Variants in CSMD1 observed in about 807,000 individuals in gnomAD.
CSMD1 encodes the protein CUB and sushi domain-containing protein 1.
Under a neutral mutation model 417.5 loss-of-function variants are expected in CSMD1, and 213 were observed. The observed-to-expected ratio is 0.51, with a 90% CI of 0.46 to 0.57. CSMD1 has a LOEUF of 0.57. Ranked by LOEUF, CSMD1 falls within the 20% of genes least tolerant of loss-of-function variation. CSMD1 has a pLI of 0.00. For synonymous variants in CSMD1, 2,862 were observed against 1,736.8 expected (o/e 1.65, Z -16.11); for missense variants, 6,923 against 4,529.7 (o/e 1.53, Z -15.17).
At chr8:3,815,359 G>C (rs1245740117) in intron 5 of CSMD1, among the ~76,000 whole-genome samples, 1 of 152,146 alleles carries the variant, frequency 6.6e-6, no homozygotes, top group Non-Finnish European at 1.5e-5. Flanking sequence ...TCAGGAGTTA[G>C]AGAACTGTGT....
At chr8:3,962,384 G>A (rs917287996) in intron 5 of CSMD1, among the ~76,000 whole-genome samples, 19 of 152,278 alleles carry the variant, frequency 1.2e-4, no homozygotes, top group East Asian at 3.9e-4. Flanking sequence ...CAGCACGGGC[G>A]TTGTCACCAC....
rs543122518 is a variant in CSMD1, at chr8:3,100,923, A to G, written c.6950-3886T>C. ...CCCCAGAGCCCTTGTGATGCCTGCT[A>G]TTATCCAGCACATATAGAAGGAAGC... is the stretch of plus-strand genomic sequence containing the variant. On this transcript the variant is annotated intron_variant, in intron 46 of 69. Transcript: ENST00000635120. 2.0e-5 allele frequency among the ~76,000 whole-genome samples: 3 copies of G among 152,248 alleles called. No individual in the cohort carries two copies. In the East Asian group the frequency reaches 5.8e-4, roughly 29 times the overall value.
chr8:4,350,583 C>A (rs529489891), intron 3 of CSMD1, among the ~76,000 whole-genome samples: 1 of 152,114 alleles, frequency 6.6e-6, no homozygotes, highest in Admixed American at 6.5e-5. Flanking sequence ...AACACTTCCA[C>A]GCTTACAATG....
chr8:3,052,612 C>A lies in CSMD1; in HGVS notation c.7510G>T (p.Gly2504Cys), dbSNP rs1220667084. ...SCGIPESPGN[G>C]SFTGNEFTLD... Reference sequence around the variant, plus strand: ...GTGAACTCGTTCCCGGTAAATGAACCGTTTCCTGGGGATTCTGGGATTCCA... The same window carrying A: ...GTGAACTCGTTCCCGGTAAATGAACAGTTTCCTGGGGATTCTGGGATTCCA... Residue 2504 changes from glycine (G) to cysteine (C), a missense_variant, in exon 50 of 70, where the codon GGT (glycine) becomes TGT (cysteine). Gly to Cys is a radical substitution (Grantham distance 159, BLOSUM62 -3). Transcript: ENST00000635120. 4 of 1,611,250 alleles carry A rather than the reference C, an allele frequency of 2.5e-6. No homozygotes were observed. The highest frequency in any genetic ancestry group is 1.1e-5 in the South Asian group (1 of 90,272).
intron 5 of CSMD1, among the ~76,000 whole-genome samples, chr8:3,801,265 C>G (rs1405954361): frequency 6.6e-6 from 1 of 151,652 alleles, no homozygotes; most frequent in Non-Finnish European, 1.5e-5. Context: ...TCAACAACAA[C>G]CACAAAAACC....
At chr8:4,003,252 G>C (rs999956407) in intron 4 of CSMD1, among the ~76,000 whole-genome samples, 1 of 152,030 alleles carries the variant, frequency 6.6e-6, no homozygotes, top group African/African-American at 2.4e-5. Flanking sequence ...AAGTAGCTGG[G>C]TGTGGTGACG....
chr8:3,578,713 G>C (rs910202833), intron 9 of CSMD1, among the ~76,000 whole-genome samples: 2 of 152,158 alleles, frequency 1.3e-5, no homozygotes, highest in Non-Finnish European at 2.9e-5. Flanking sequence ...TCACACAGGA[G>C]ACAGCCGAGG....
intron 5 of CSMD1, among the ~76,000 whole-genome samples, chr8:3,754,505 A>G (rs1374035237): frequency 2.0e-5 from 3 of 151,930 alleles, no homozygotes; most frequent in African/African-American, 7.3e-5. Context: ...TCCAGGCTGG[A>G]GGGCAGTGGT....
chr8:4,869,889 T>C (rs1398889225), intron 1 of CSMD1, among the ~76,000 whole-genome samples: 1 of 152,086 alleles, frequency 6.6e-6, no homozygotes, highest in Non-Finnish European at 1.5e-5. Context: ...AAGAAGTTAA[T>C]GTTAGATTTA....
At chr8:3,614,029 C>A (rs532903486) in intron 8 of CSMD1, among the ~76,000 whole-genome samples, 1 of 151,832 alleles carries the variant, frequency 6.6e-6, no homozygotes, top group Admixed American at 6.6e-5. Context: ...GGAAATCTAT[C>A]AAAAAAGCTA....
At chr8:4,823,247 G>T (rs1022571747) in intron 1 of CSMD1, among the ~76,000 whole-genome samples, 6 of 151,732 alleles carry the variant, frequency 4.0e-5, no homozygotes, top group Admixed American at 2.0e-4. Context: ...TAATTCTTAT[G>T]CTTGTGTTTT....
At chr8:3,458,229 G>T (rs1186895017) in intron 12 of CSMD1, among the ~76,000 whole-genome samples, 1 of 152,124 alleles carries the variant, frequency 6.6e-6, no homozygotes, top group Non-Finnish European at 1.5e-5. Context: ...ACTAACACTG[G>T]AATTTAAATG....
intron 5 of CSMD1, among the ~76,000 whole-genome samples, chr8:3,967,645 T>C (rs144980811): frequency 3.3e-5 from 5 of 152,218 alleles, no homozygotes; most frequent in Non-Finnish European, 5.9e-5. Flanking sequence ...TTCCCCTCCA[T>C]TCCCTGCCTA....
intron 5 of CSMD1, among the ~76,000 whole-genome samples, chr8:3,817,408 G>A (rs1466046802): frequency 6.6e-6 from 1 of 151,214 alleles, no homozygotes. Context: ...AACCTCCCAA[G>A]TAGCTGGGAC....
chr8:4,179,390 G>A lies in CSMD1; in HGVS notation c.416-147291C>T, dbSNP rs552962960. Among the ~76,000 whole-genome samples, 55 of 152,210 alleles carry A rather than the reference G, an allele frequency of 3.6e-4. No homozygotes were observed. The South Asian group carries it at 6.6e-3, about 18-fold the overall frequency. The stretch of plus-strand genomic sequence containing the variant: ...GGCTAGCCATATGTAGAAAGCTGAA[G>A]CTGGATCCCTTCCTTACACCCTATA... On this transcript the variant is annotated intron_variant, in intron 3 of 69. Coordinates refer to ENST00000635120, the MANE Select transcript of CSMD1 (RefSeq NM_033225.6).
At chr8:4,182,580 A>G (rs767559896) in intron 3 of CSMD1, among the ~76,000 whole-genome samples, 44 of 152,180 alleles carry the variant, frequency 2.9e-4, no homozygotes, top group Non-Finnish European at 2.6e-4. Context: ...ACAGAAAAGA[A>G]TTTAGCATTC....
intron 1 of CSMD1, among the ~76,000 whole-genome samples, chr8:4,815,105 G>C (rs938546226): frequency 1.3e-5 from 2 of 152,136 alleles, no homozygotes; most frequent in Non-Finnish European, 2.9e-5. Flanking sequence ...TGAAATGACA[G>C]TTCTGACTCA....
At chr8:3,628,960 AAAGAT>A (rs751949305) in intron 7 of CSMD1, among the ~76,000 whole-genome samples, 3 of 152,182 alleles carry the variant, frequency 2.0e-5, no homozygotes, top group Non-Finnish European at 4.4e-5. Context: ...AAGAAGAATA[AAAGAT>A]AAAGAAGGGA....
chr8:3,316,528 C>T (rs1175105079), intron 23 of CSMD1, among the ~76,000 whole-genome samples: 1 of 101,162 alleles, frequency 9.9e-6, no homozygotes, highest in African/African-American at 4.2e-5. Flanking sequence ...GTTCAGTGAG[C>T]CTTGCGGGAG....
Sources: allele counts gnomAD v4.1 joint callset (sites outside exome capture counted in the v4.1 genomes callset), GRCh38; gene constraint gnomAD v4.1.1; transcripts MANE v1.5; gene names NCBI Gene and HGNC (gene_info 2026-07-23, HGNC 2026-07-21).